The following BEAN1 variants were observed in gnomAD, a reference collection of about 807,000 sequenced individuals.
BEAN1 encodes protein BEAN1.
A neutral mutation model predicts 17.7 loss-of-function variants in BEAN1; 17 were observed. The ratio of observed to expected loss-of-function variants is 0.96; its 90% CI spans 0.66 to 1.44. The LOEUF (loss-of-function observed/expected upper bound fraction) is 1.44. BEAN1 is among the 40% of genes most tolerant of loss of function. BEAN1 has a pLI of 0.00. For synonymous variants in BEAN1, 142 were observed against 151.8 expected, an observed-to-expected ratio of 0.94 and a Z score of 0.47; for missense variants, 359 against 374.1, an observed-to-expected ratio of 0.96 and a Z score of 0.33.
intron 2 of BEAN1, among the ~76,000 whole-genome samples, chr16:66,463,042 A>G (rs972816290): frequency 2.0e-5 from 3 of 152,222 alleles, no homozygotes; most frequent in African/African-American, 7.2e-5. Context: ...GCTCTAAAGG[A>G]TGAGAAAGAG....
intron 2 of BEAN1, among the ~76,000 whole-genome samples, chr16:66,460,967 C>T (rs956767371): frequency 3.9e-5 from 6 of 152,166 alleles, no homozygotes; most frequent in African/African-American, 1.2e-4. Context: ...ACAAGTACCA[C>T]GTATGGTGTA....
intron 1 of BEAN1, among the ~76,000 whole-genome samples, chr16:66,433,737 C>T (rs1422042041): frequency 1.3e-5 from 2 of 152,238 alleles, no homozygotes; most frequent in Non-Finnish European, 2.9e-5. Context: ...AGCAACTGAG[C>T]AGAGGCTGTG....
chr16:66,453,266 G>A (rs1416753085), intron 2 of BEAN1, among the ~76,000 whole-genome samples: 2 of 151,586 alleles, frequency 1.3e-5, no homozygotes, highest in Admixed American at 6.6e-5. Flanking sequence ...TTAAAGCTAT[G>A]AATTTCCCAC....
chr16:66,442,825 A>T (rs1396076426), intron 2 of BEAN1, among the ~76,000 whole-genome samples: 1 of 152,190 alleles, frequency 6.6e-6, no homozygotes, highest in Non-Finnish European at 1.5e-5. Context: ...CCTTTTGGCT[A>T]CCTTCTCCCT....
intron 1 of BEAN1, among the ~76,000 whole-genome samples, chr16:66,429,309 C>T (rs1961704474): frequency 6.6e-6 from 1 of 152,172 alleles, no homozygotes. Context: ...GGAAATGGAG[C>T]CAGTGATTGA....
At chr16:66,493,233 A>T in exon 5 of BEAN1, 1 of 703,020 alleles carries the variant, frequency 1.4e-6, no homozygotes, top group Non-Finnish European at 2.6e-6. Flanking sequence ...AGCTCAGAGA[A>T]AAGGCTGGTG....
downstream of BEAN1, among the ~76,000 whole-genome samples, chr16:66,487,130 C>T (rs1424775580): frequency 6.6e-6 from 1 of 152,210 alleles, no homozygotes; most frequent in African/African-American, 2.4e-5. Flanking sequence ...GACTTGTGGA[C>T]TTACAAGACT....
At chr16:66,443,334 G>GGTCA (rs1962329002) in intron 2 of BEAN1, among the ~76,000 whole-genome samples, 1 of 152,164 alleles carries the variant, frequency 6.6e-6, no homozygotes, top group African/African-American at 2.4e-5. Context: ...GCAAGGGAGG[G>GGTCA]GTCAGTGTGC....
chr16:66,437,943 G>A, intron 2 of BEAN1: 1 of 608,202 alleles, frequency 1.6e-6, no homozygotes, highest in Non-Finnish European at 3.0e-6. Context: ...TTCCCGAAGT[G>A]TGGATCGGAG....
intron 2 of BEAN1, among the ~76,000 whole-genome samples, chr16:66,461,617 C>T (rs1289901755): frequency 6.0e-5 from 9 of 150,164 alleles, no homozygotes; most frequent in South Asian, 2.1e-4. Context: ...CACACACAAA[C>T]GCACGCACAT....
intron 2 of BEAN1, among the ~76,000 whole-genome samples, chr16:66,444,193 T>C (rs1051705696): frequency 1.3e-5 from 2 of 152,198 alleles, no homozygotes; most frequent in African/African-American, 2.4e-5. Flanking sequence ...TCTTCCCCTG[T>C]GTCCACCATG....
chr16:66,448,686 G>A (rs1157088242), intron 2 of BEAN1, among the ~76,000 whole-genome samples: 1 of 152,208 alleles, frequency 6.6e-6, no homozygotes, highest in Admixed American at 6.5e-5. Context: ...AGCTGGGTGT[G>A]GTGGCGGATG....
At chr16:66,437,979 G>A in intron 2 of BEAN1, 1 of 559,832 alleles carries the variant, frequency 1.8e-6, no homozygotes, top group Non-Finnish European at 3.2e-6. Flanking sequence ...TTAATGGGAT[G>A]ACACACACCC....
In BEAN1 at chr16:66,474,544, AAGAGGGAGGGAGAGAGGGAGGGAG is replaced by A. The variant is rs1231765447; in HGVS notation, c.290-2991_290-2968del. Among the ~76,000 whole-genome samples the A allele has an allele frequency of 1.1e-3, 87 of 80,176 alleles. 1 individual carries two copies. Among genetic ancestry groups the A allele is most frequent in the African/African-American group, 2.7e-3 (50 of 18,508 alleles). 52.6% of individuals were successfully genotyped at this position (80,176 alleles called of 152,430 possible). On this transcript the variant is annotated intron_variant, in intron 3 of 4. Coordinates refer to ENST00000536005, the MANE Select transcript of BEAN1 (RefSeq NM_001178020.3). Reference sequence around the variant, plus strand: ...AGATGGGGGTGGGGGAGGAAGAAGAAAGAGGGAGGGAGAGAGGGAGGGAGAGAGGGAGGGAGAGAGGGAGGGAGG... The same window carrying A: ...AGATGGGGGTGGGGGAGGAAGAAGAAAGAGGGAGGGAGAGAGGGAGGGAGG...
At chr16:66,484,823 G>A (rs750206819), downstream of BEAN1, 1 of 454,138 alleles carries the variant, frequency 2.2e-6, no homozygotes, top group South Asian at 1.6e-5. The surrounding 1 kb of genome is among the most constrained non-coding windows in gnomAD (Gnocchi z 4.2). Context: ...TCAGGTGGGA[G>A]AGACGGGTTG....
rs367664548 is a variant in BEAN1 at position 66,472,203 on chromosome 16, T to C, written c.289+2338T>C. On this transcript the variant is annotated intron_variant, in intron 3 of 4. Coordinates refer to ENST00000536005, the MANE Select transcript of BEAN1 (RefSeq NM_001178020.3). ...CACCTACCAGGCAGAGCTGGATAGGTGTCCCCCTCCTCTGTACCTCCTCGG... is the reference window on the plus strand; with the variant it reads ...CACCTACCAGGCAGAGCTGGATAGGCGTCCCCCTCCTCTGTACCTCCTCGG... Among the ~76,000 whole-genome samples the C allele has an allele frequency of 1.7e-4, 26 of 152,266 alleles. 1 individual carries two copies. The highest frequency in any genetic ancestry group is 6.8e-3 in the Middle Eastern group (2 of 294).
downstream of BEAN1, chr16:66,484,711 T>G (rs1419880284): frequency 2.2e-6 from 1 of 453,874 alleles, no homozygotes; most frequent in Non-Finnish European, 4.4e-6. This position sits in a 1 kb window ranked among gnomAD's most constrained non-coding sequence, Gnocchi z 4.2. Context: ...AGGAAGCCAG[T>G]GAGGGGGTCA....
intron 2 of BEAN1, among the ~76,000 whole-genome samples, chr16:66,445,148 G>A (rs1243320579): frequency 1.3e-5 from 2 of 152,066 alleles, no homozygotes; most frequent in Non-Finnish European, 2.9e-5. Flanking sequence ...TATCTAATAT[G>A]TCAAATTGGG....
chr16:66,489,705 C>T (rs1010830123), intron 4 of BEAN1, among the ~76,000 whole-genome samples: 6 of 152,098 alleles, frequency 3.9e-5, no homozygotes, highest in African/African-American at 1.2e-4. Context: ...AAGGTTGCAA[C>T]GGGCAGCACA....
Sources: allele counts gnomAD v4.1 joint callset (sites outside exome capture counted in the v4.1 genomes callset), GRCh38; gene constraint gnomAD v4.1.1; non-coding constraint Gnocchi (gnomAD v3.1); transcripts MANE v1.5; gene names NCBI Gene and HGNC (gene_info 2026-07-23, HGNC 2026-07-21).